The following ADD3 variants were observed in gnomAD, a reference collection of about 807,000 sequenced individuals.
ADD3 encodes adducin 3, also known as gamma-adducin.
In ADD3, 25 loss-of-function variants were observed where a neutral mutation model predicts 80.2. The ratio of observed to expected loss-of-function variants is 0.31; its 90% CI spans 0.23 to 0.44. ADD3 has a LOEUF of 0.44. ADD3 is among the 20% of genes least tolerant of loss of function. ADD3 has a pLI of 1.00. For missense variants in ADD3, 829 were observed against 847.5 expected, an observed-to-expected ratio of 0.98 and a Z score of 0.27; for synonymous variants, 284 against 289.6, an observed-to-expected ratio of 0.98 and a Z score of 0.20.
Position 110,124,109 on chromosome 10 carries a change from T to C in ADD3, c.1236T>C (p.Ala412=). The change falls in exon 10 of 15, where the codon GCT becomes GCC. Residue 412 remains alanine (A), a synonymous_variant. Coordinates refer to ENST00000356080, the MANE Select transcript of ADD3 (RefSeq NM_016824.5). ...SDVEIPATVT[A]FSFEDDTVPL... ...TGGAAATCCCAGCAACTGTGACTGC[T>C]TTTTCCTTTGAAGACGATACAGTGC... 6.2e-7 allele frequency: 1 copy of C among 1,614,130 alleles called. No individual in the cohort carries two copies. The highest frequency in any genetic ancestry group is 8.5e-7 in the Non-Finnish European group (1 of 1,179,996).
chr10:110,025,189 C>T (rs1854140174), intron 1 of ADD3, among the ~76,000 whole-genome samples: 1 of 152,090 alleles, frequency 6.6e-6, no homozygotes, highest in Admixed American at 6.5e-5. Flanking sequence ...AGCCACCGCA[C>T]CTGGCTGTCA....
Position 110,135,550 on chromosome 10 carries a change from C to T in ADD3, c.*1932C>T, listed in dbSNP as rs935795601. 6.6e-6 allele frequency: 1 copy of T among 152,498 alleles called. No individual in the cohort carries two copies. Among genetic ancestry groups the T allele is most frequent in the Non-Finnish European group, 1.5e-5 (1 of 68,024 alleles). The allele number at this position is 152,498 out of a possible 1,614,324, so 9.4% of individuals were successfully genotyped here. A position where few individuals can be genotyped will look rare whatever the true frequency, so the allele number is the denominator to read the frequency against. ...TAATTAATGTTAAATCACAAATAAA[C>T]AGTATTTTAAATATACGGACTTGTA... is the stretch of plus-strand genomic sequence containing the variant. On this transcript the variant is annotated 3_prime_UTR_variant, in exon 15 of 15. Coordinates refer to ENST00000356080, the MANE Select transcript of ADD3 (RefSeq NM_016824.5).
chr10:110,000,183 G>T (rs1367766803), intron 1 of ADD3, among the ~76,000 whole-genome samples: 1 of 152,180 alleles, frequency 6.6e-6, no homozygotes, highest in Non-Finnish European at 1.5e-5. Context: ...GCCTCCCAAA[G>T]TGTTGGGATT....
intron 1 of ADD3, among the ~76,000 whole-genome samples, chr10:110,012,381 T>C (rs1398923753): frequency 1.3e-5 from 2 of 152,242 alleles, no homozygotes; most frequent in African/African-American, 4.8e-5. Flanking sequence ...CTTAAAGTCT[T>C]AGATGGTAGC....
At chr10:110,113,010 C>G in intron 3 of ADD3, 95 bp downstream of exon 3, 1 of 1,348,544 alleles carries the variant, frequency 7.4e-7, no homozygotes, top group Non-Finnish European at 1.0e-6. Context: ...GGGTTCAGTC[C>G]TTAAGTTTAT....
At chr10:110,003,605 G>A (rs901944810), upstream of ADD3, among the ~76,000 whole-genome samples, 2 of 152,124 alleles carry the variant, frequency 1.3e-5, no homozygotes, top group Non-Finnish European at 2.9e-5. Flanking sequence ...CTATACTGAG[G>A]CACAAGCATG....
intron 1 of ADD3, among the ~76,000 whole-genome samples, chr10:110,013,342 T>G (rs978932292): frequency 6.6e-6 from 1 of 152,122 alleles, no homozygotes; most frequent in Non-Finnish European, 1.5e-5. Context: ...ACCTCAAGTG[T>G]TCCTCCCCGC....
intron 1 of ADD3, among the ~76,000 whole-genome samples, chr10:110,060,598 A>G (rs1253655076): frequency 6.6e-6 from 1 of 152,226 alleles, no homozygotes; most frequent in East Asian, 1.9e-4. Context: ...ACTTCGGGAC[A>G]TTTCTTTCAT....
intron 2 of ADD3, among the ~76,000 whole-genome samples, chr10:110,103,781 C>T (rs1217981650): frequency 6.6e-6 from 1 of 152,122 alleles, no homozygotes; most frequent in Non-Finnish European, 1.5e-5. Context: ...ACAATCATAG[C>T]ACACAAAATC....
chr10:110,126,618 C>A, intron 12 of ADD3, 115 bp downstream of exon 12: 1 of 755,630 alleles, frequency 1.3e-6, no homozygotes, highest in Non-Finnish European at 2.1e-6. Context: ...GTTAAAAAGT[C>A]AACTCACAAG....
chr10:110,029,610 C>G (rs1024145623), intron 1 of ADD3, among the ~76,000 whole-genome samples: 1 of 152,198 alleles, frequency 6.6e-6, no homozygotes, highest in African/African-American at 2.4e-5. Context: ...AAGCTTTAAG[C>G]TCACCAATGT....
At chr10:110,033,566 T>A (rs1373293093) in intron 1 of ADD3, among the ~76,000 whole-genome samples, 1 of 152,202 alleles carries the variant, frequency 6.6e-6, no homozygotes, top group Non-Finnish European at 1.5e-5. Context: ...GCTGTGCTAA[T>A]CAGATGGGCC....
chr10:110,014,776 C>T (rs957128778), intron 1 of ADD3, among the ~76,000 whole-genome samples: 2 of 151,802 alleles, frequency 1.3e-5, no homozygotes, highest in Non-Finnish European at 2.9e-5. Flanking sequence ...ATCCACCCGC[C>T]TCGGCCTCCC....
chr10:110,032,388 T>C (rs921820076), intron 1 of ADD3, among the ~76,000 whole-genome samples: 8 of 152,102 alleles, frequency 5.3e-5, no homozygotes, highest in African/African-American at 1.4e-4. Context: ...CACTTCTGCC[T>C]TCATTCAGGC....
intron 1 of ADD3, among the ~76,000 whole-genome samples, chr10:110,015,028 C>A (rs760084598): frequency 2.0e-5 from 3 of 151,888 alleles, no homozygotes; most frequent in Non-Finnish European, 4.4e-5. Flanking sequence ...CATGGGCCAC[C>A]ACGCCTGGCT....
intron 1 of ADD3, among the ~76,000 whole-genome samples, chr10:110,092,974 C>T (rs559237993): frequency 2.0e-5 from 3 of 152,132 alleles, no homozygotes; most frequent in African/African-American, 7.2e-5. Flanking sequence ...ATTCTCTTGC[C>T]CCAGCCTCTG....
chr10:110,010,868 C>G (rs184877948), intron 1 of ADD3, among the ~76,000 whole-genome samples: 2 of 152,254 alleles, frequency 1.3e-5, no homozygotes, highest in Non-Finnish European at 2.9e-5. Flanking sequence ...ATAGTATTCC[C>G]ACGACTATCA....
intron 5 of ADD3, among the ~76,000 whole-genome samples, chr10:110,117,877 G>A (rs1312755570): frequency 1.3e-5 from 2 of 152,078 alleles, no homozygotes; most frequent in African/African-American, 2.4e-5. Flanking sequence ...TTAGCTGGGC[G>A]TGGTGGCACA....
chr10:109,997,368 C>T (rs17126936), intron 1 of ADD3: 26,945 of 152,060 alleles, frequency 0.18, 2,805 homozygotes, highest in East Asian at 0.41. Context: ...ATTGGGGCAC[C>T]CTTACTGGAA....
Sources: allele counts gnomAD v4.1 joint callset (sites outside exome capture counted in the v4.1 genomes callset), GRCh38; gene constraint gnomAD v4.1.1; transcripts MANE v1.5; gene names NCBI Gene and HGNC (gene_info 2026-07-23, HGNC 2026-07-21).